ANKS1B: variants seen among roughly 807,000 people sequenced by gnomAD.
ANKS1B encodes the protein ankyrin repeat and sterile alpha motif domain containing 1B.
ANKS1B carries 36 observed loss-of-function variants against 148.3 expected under a neutral mutation model. The ratio of observed to expected loss-of-function variants is 0.24; its 90% CI spans 0.19 to 0.32. The LOEUF (loss-of-function observed/expected upper bound fraction) is 0.32, where lower values mean the gene tolerates loss of function less well. Ranked by LOEUF, ANKS1B falls within the 10% of genes least tolerant of loss-of-function variation. The pLI, the probability that ANKS1B is intolerant of heterozygous loss-of-function variation, is 1.00. For missense variants in ANKS1B, 1,157 were observed against 1,542.6 expected, an observed-to-expected ratio of 0.75 and a Z score of 4.19; for synonymous variants, 542 against 560.8, an observed-to-expected ratio of 0.97 and a Z score of 0.47.
At chr12:99,918,559 A>C (rs1319423329) in intron 1 of ANKS1B, among the ~76,000 whole-genome samples, 1 of 152,196 alleles carries the variant, frequency 6.6e-6, no homozygotes, top group Non-Finnish European at 1.5e-5. Flanking sequence ...AAGTGATAGA[A>C]TCAGAACTTG....
intron 8 of ANKS1B, among the ~76,000 whole-genome samples, chr12:99,715,070 A>G (rs999827342): frequency 6.6e-6 from 1 of 152,104 alleles, no homozygotes; most frequent in Non-Finnish European, 1.5e-5. Flanking sequence ...CGGGGGTTGC[A>G]ATAAGCAGAG....
At chr12:99,361,464 T>A (rs2092454177) in intron 12 of ANKS1B, among the ~76,000 whole-genome samples, 3 of 152,008 alleles carry the variant, frequency 2.0e-5, no homozygotes, top group Admixed American at 2.0e-4. Context: ...TTGTACTGTA[T>A]CACCTAAATT....
In ANKS1B at chr12:98,945,505, C is replaced by CAAAAAAAAAAAAAA. The variant is rs3051086; in HGVS notation, c.2778+107638_2778+107651dup. On this transcript the variant is annotated intron_variant, in intron 17 of 26. Transcript: ENST00000683438. ...GCCAGACCCTGTCTCAACAAACAAA[C>CAAAAAAAAAAAAAA]AAAAAAAAAAAAAAAAAAAAAAAAA... Among the ~76,000 whole-genome samples the CAAAAAAAAAAAAAA allele has an allele frequency of 1.1e-3, 33 of 30,244 alleles. 2 individuals carry two copies. The highest frequency in any genetic ancestry group is 3.5e-3 in the South Asian group (3 of 846). The allele number at this position is 30,244 out of a possible 152,430, so 19.8% of individuals were successfully genotyped here.
intron 22 of ANKS1B, among the ~76,000 whole-genome samples, chr12:98,793,330 T>G (rs1009416547): frequency 7.2e-5 from 11 of 152,232 alleles, no homozygotes; most frequent in African/African-American, 2.7e-4. Flanking sequence ...ATTTTAAAGT[T>G]GATTATTTGT....
chr12:99,293,226 T>C (rs2080296821), intron 12 of ANKS1B, among the ~76,000 whole-genome samples: 1 of 151,840 alleles, frequency 6.6e-6, no homozygotes, highest in African/African-American at 2.4e-5. Flanking sequence ...CTGGAAACTA[T>C]CATTCTGAGC....
intron 25 of ANKS1B, among the ~76,000 whole-genome samples, chr12:98,761,553 T>C (rs2098406398): frequency 6.6e-6 from 1 of 152,200 alleles, no homozygotes. Flanking sequence ...AACTTTTCCC[T>C]TGATATGGAG....
intron 21 of ANKS1B, among the ~76,000 whole-genome samples, chr12:98,800,673 G>GATATATATATATATATATAT (rs753914387): frequency 7.3e-5 from 1 of 13,716 alleles, no homozygotes; most frequent in African/African-American, 1.8e-4. Flanking sequence ...TGAGTGAGCA[G>GATATATATATATATATATAT]AGATATATAT....
At chr12:99,763,494 G>A (rs2062353902) in intron 8 of ANKS1B, among the ~76,000 whole-genome samples, 1 of 152,034 alleles carries the variant, frequency 6.6e-6, no homozygotes, top group Non-Finnish European at 1.5e-5. Flanking sequence ...AGACAATGGG[G>A]CTTACTTGCG....
intron 17 of ANKS1B, among the ~76,000 whole-genome samples, chr12:98,898,095 C>T (rs931055704): frequency 6.6e-6 from 1 of 152,154 alleles, no homozygotes; most frequent in South Asian, 2.1e-4. Flanking sequence ...GAAAAATTAC[C>T]TATTAGGTAT....
rs1224897014 is a variant in ANKS1B at position 99,740,448 on chromosome 12, T to TA, written c.1128+32473_1128+32474insT. Among the ~76,000 whole-genome samples the TA allele has an allele frequency of 3.3e-5, 5 of 152,354 alleles. No individual in the cohort carries two copies. The East Asian group carries it at 9.6e-4, about 29-fold the overall frequency. ...TCAGACCTGACTGCAGCATTGTTCC[T>TA]GGCTTACACACAGCATGTCAGGCAA... is the stretch of plus-strand genomic sequence containing the variant. On this transcript the variant is annotated intron_variant, in intron 8 of 26. Transcript: ENST00000683438.
chr12:98,914,068 T>A (rs746476334), intron 17 of ANKS1B, among the ~76,000 whole-genome samples: 2 of 152,196 alleles, frequency 1.3e-5, no homozygotes, highest in Non-Finnish European at 2.9e-5. Context: ...CGCTGAATTG[T>A]AATCCCCGGT....
chr12:99,315,475 C>T (rs563903272), intron 12 of ANKS1B, among the ~76,000 whole-genome samples: 78 of 152,218 alleles, frequency 5.1e-4, no homozygotes, highest in African/African-American at 1.8e-3. Flanking sequence ...CTCAACATCA[C>T]TGATCATTAG....
chr12:99,337,496 G>A (rs1382546075), intron 12 of ANKS1B, among the ~76,000 whole-genome samples: 1 of 152,002 alleles, frequency 6.6e-6, no homozygotes, highest in South Asian at 2.1e-4. Context: ...GATGCTCACT[G>A]GTATCTTATT....
intron 17 of ANKS1B, among the ~76,000 whole-genome samples, chr12:98,949,141 T>A (rs915931482): frequency 4.0e-5 from 6 of 151,398 alleles, no homozygotes; most frequent in South Asian, 4.2e-4. Context: ...TTTAGTAGAG[T>A]CAGGGTTTCA....
Position 99,339,619 on chromosome 12 carries a change from T to A in ANKS1B, c.1756+60012A>T, listed in dbSNP as rs577139879. Among the ~76,000 whole-genome samples the A allele has an allele frequency of 2.6e-5, 4 of 152,306 alleles. No homozygotes were observed. The East Asian group carries it at 5.8e-4, about 22-fold the overall frequency. On this transcript the variant is annotated intron_variant, in intron 12 of 26. Coordinates refer to ENST00000683438, the MANE Select transcript of ANKS1B (RefSeq NM_001352186.2). ...CACCTTGTTCCACTTCTCTCCCTAT[T>A]TCTTCAAGCTTTTAGAAAGTATCTG...
At chr12:99,147,374 C>T (rs2073482048) in intron 15 of ANKS1B, among the ~76,000 whole-genome samples, 1 of 151,992 alleles carries the variant, frequency 6.6e-6, no homozygotes, top group African/African-American at 2.4e-5. Flanking sequence ...TTCTCTATTG[C>T]AAAAAGAGGA....
chr12:99,978,968 C>A (rs955965658), intron 1 of ANKS1B, among the ~76,000 whole-genome samples: 3 of 152,024 alleles, frequency 2.0e-5, no homozygotes, highest in Non-Finnish European at 4.4e-5. Context: ...TATTAAAATA[C>A]AAATAATTCT....
At chr12:99,528,027 A>G (rs1480409607) in intron 9 of ANKS1B, among the ~76,000 whole-genome samples, 2 of 152,054 alleles carry the variant, frequency 1.3e-5, no homozygotes, top group Admixed American at 1.3e-4. Context: ...CAGTAGACAC[A>G]TAGACAAGCA....
chr12:98,934,162 T>C (rs2099816336), intron 17 of ANKS1B, among the ~76,000 whole-genome samples: 1 of 152,132 alleles, frequency 6.6e-6, no homozygotes, highest in Non-Finnish European at 1.5e-5. Context: ...ATAATAATAT[T>C]GAATTGATAT....
Sources: allele counts gnomAD v4.1 joint callset (sites outside exome capture counted in the v4.1 genomes callset), GRCh38; gene constraint gnomAD v4.1.1; transcripts MANE v1.5; gene names NCBI Gene and HGNC (gene_info 2026-07-23, HGNC 2026-07-21).